Variants in ZFYVE28 observed in about 807,000 individuals in gnomAD.
ZFYVE28 encodes the protein lateral signaling target protein 2 homolog.
In ZFYVE28, 40 loss-of-function variants were observed where a neutral mutation model predicts 82.1. The observed-to-expected ratio is 0.49, with a 90% confidence interval of 0.38 to 0.63. The LOEUF (loss-of-function observed/expected upper bound fraction) is 0.63. ZFYVE28 is among the 30% of genes least tolerant of loss of function. The pLI is 0.00. For missense variants in ZFYVE28, 1,321 were observed against 1,242.1 expected (o/e 1.06, Z -0.96); for synonymous variants, 612 against 546.1 (o/e 1.12, Z -1.68).
rs1010724739 is a variant in ZFYVE28, at chr4:2,300,763, C to T, written c.2051+3526G>A. On this transcript the variant is annotated intron_variant, in intron 8 of 12. Transcript: ENST00000290974. The surrounding 1 kb of genome is among the most constrained non-coding windows in gnomAD (Gnocchi z 4.6). ...TTCCTTCATTTGCAGTACACGGAGA[C>T]GCGACTCGCACGTGAGACTGGAAGC... 1.1e-4 allele frequency among the ~76,000 whole-genome samples: 16 copies of T among 152,254 alleles called. No homozygotes were observed. The highest frequency in any genetic ancestry group is 8.5e-4 in the Admixed American group (13 of 15,294).
intron 8 of ZFYVE28, among the ~76,000 whole-genome samples, chr4:2,291,504 G>A (rs890525317): frequency 2.0e-5 from 3 of 152,224 alleles, no homozygotes; most frequent in Non-Finnish European, 4.4e-5. Flanking sequence ...TCCACCCCTT[G>A]ACGGGCTCCC....
In ZFYVE28 at chr4:2,341,535, C is replaced by A; in HGVS notation, c.261G>T (p.Lys87Asn). 5 of 1,614,068 alleles carry A rather than the reference C, an allele frequency of 3.1e-6. No homozygotes were observed. The highest frequency in any genetic ancestry group is 4.2e-6 in the Non-Finnish European group (5 of 1,180,018). The change falls in exon 3 of 13, where the codon AAG becomes AAT. Residue 87 changes from lysine (K) to asparagine (N), a missense_variant. Lys to Asn is a moderately conservative substitution (Grantham distance 94). This residue lies in a region of ZFYVE28 where 343 missense variants were observed against 408.4 expected (regional missense o/e 0.84). Transcript: ENST00000290974. The surrounding 1 kb of genome is among the most constrained non-coding windows in gnomAD (Gnocchi z 4.5). The part of the protein sequence containing the change: ...QDRAPRDFCV[K>N]FPEEIRHDNL... The stretch of plus-strand genomic sequence containing the variant: ...TGTCGTGCCGGATCTCCTCAGGGAA[C>A]TTGACGCAGAAATCTCTGGGGGCGC...
chr4:2,290,779 C>T (rs570895498), intron 8 of ZFYVE28, among the ~76,000 whole-genome samples: 78 of 152,240 alleles, frequency 5.1e-4, no homozygotes, highest in Non-Finnish European at 6.6e-4. Flanking sequence ...CCTATTAAGT[C>T]CAAGCACAAG....
chr4:2,361,977 C>T (rs1255170352), intron 1 of ZFYVE28, among the ~76,000 whole-genome samples: 1 of 152,056 alleles, frequency 6.6e-6, no homozygotes, highest in Non-Finnish European at 1.5e-5. Flanking sequence ...GCCCCATGGG[C>T]CCCAACAAGG....
At chr4:2,303,902 C>T (rs906335116) in intron 8 of ZFYVE28, among the ~76,000 whole-genome samples, 6 of 152,222 alleles carry the variant, frequency 3.9e-5, no homozygotes, top group Non-Finnish European at 8.8e-5. Flanking sequence ...GGCAAGGGGC[C>T]CGGCGCTGGC....
At chr4:2,315,379 A>C (rs1360728649) in intron 7 of ZFYVE28, among the ~76,000 whole-genome samples, 3 of 152,070 alleles carry the variant, frequency 2.0e-5, no homozygotes, top group African/African-American at 7.2e-5. Context: ...TCCGCCTCCC[A>C]GGTTCAAGTG....
chr4:2,361,876 G>C (rs999606700), intron 1 of ZFYVE28, among the ~76,000 whole-genome samples: 4 of 152,156 alleles, frequency 2.6e-5, no homozygotes, highest in African/African-American at 9.7e-5. Flanking sequence ...TCACAGTCTT[G>C]GCCGAGCTGC....
chr4:2,303,121 C>G (rs1480504147), intron 8 of ZFYVE28, among the ~76,000 whole-genome samples: 1 of 152,192 alleles, frequency 6.6e-6, no homozygotes, highest in South Asian at 2.1e-4. Context: ...CCAGGCCCAG[C>G]CCACCCAGCC....
intron 8 of ZFYVE28, among the ~76,000 whole-genome samples, chr4:2,283,399 G>C (rs931620802): frequency 2.6e-3 from 109 of 41,416 alleles, no homozygotes; most frequent in Admixed American, 3.3e-3. Flanking sequence ...ATCCACTCAT[G>C]CACCCACCCA....
intron 8 of ZFYVE28, among the ~76,000 whole-genome samples, chr4:2,303,127 C>G (rs1201968396): frequency 6.6e-6 from 1 of 152,188 alleles, no homozygotes; most frequent in African/African-American, 2.4e-5. Flanking sequence ...CCAGCCCACC[C>G]AGCCCGCAGC....
chr4:2,354,094 G>A, intron 1 of ZFYVE28, 21 bp from the exon 2 acceptor site: 1 of 1,495,534 alleles, frequency 6.7e-7, no homozygotes, highest in Non-Finnish European at 8.9e-7. Context: ...GAGGGGCCAG[G>A]GCCATGAGTG....
At chr4:2,392,273 G>A (rs1193753291) in intron 1 of ZFYVE28, among the ~76,000 whole-genome samples, 4 of 152,128 alleles carry the variant, frequency 2.6e-5, no homozygotes, top group Non-Finnish European at 4.4e-5. Flanking sequence ...TCCACAGCCA[G>A]CCTGGCTGGA....
chr4:2,337,619 C>G, intron 4 of ZFYVE28, 123 bp from the exon 5 acceptor site: 1 of 697,210 alleles, frequency 1.4e-6, no homozygotes, highest in Admixed American at 2.8e-5. Context: ...GGGGGCCTCA[C>G]GCCTGTAATC....
In ZFYVE28 at chr4:2,270,536, C is replaced by T. The variant is rs140355099; in HGVS notation, c.*189G>A. Reference sequence around the variant, plus strand: ...AAAGCTGACCTCTTGTTGGCCCCTGCAGCCGGCCCGGGGTCCCTGCAGGGA... The same window carrying T: ...AAAGCTGACCTCTTGTTGGCCCCTGTAGCCGGCCCGGGGTCCCTGCAGGGA... On this transcript the variant is annotated 3_prime_UTR_variant, in exon 13 of 13. Coordinates refer to ENST00000290974, the MANE Select transcript of ZFYVE28 (RefSeq NM_020972.3). 889 of 828,366 alleles carry T rather than the reference C, an allele frequency of 1.1e-3. 8 individuals are homozygous for T. The African/African-American group carries it at 0.013, about 12-fold the overall frequency. 51.3% of individuals were successfully genotyped at this position (828,366 alleles called of 1,614,324 possible).
At chr4:2,312,624 A>G (rs1717627948) in intron 7 of ZFYVE28, among the ~76,000 whole-genome samples, 1 of 148,758 alleles carries the variant, frequency 6.7e-6, no homozygotes, top group Non-Finnish European at 1.5e-5. Context: ...GCTACTCGGG[A>G]GGCTGAGGCA....
chr4:2,335,586 G>C lies in ZFYVE28; in HGVS notation c.701+119C>G, dbSNP rs1299453636. On this transcript the variant is annotated intron_variant, in intron 6 of 12. Coordinates refer to ENST00000290974, the MANE Select transcript of ZFYVE28 (RefSeq NM_020972.3). This position sits in a 1 kb window ranked among gnomAD's most constrained non-coding sequence, Gnocchi z 5.8. ...GGCCTGCCTGTCACTGATCGGGACA[G>C]CTGAGCGGCCACCGTGAGGTGGAGA... The C allele has an allele frequency of 3.3e-6, 3 of 921,108 alleles. No homozygotes were observed. The East Asian group carries it at 7.9e-5, about 24-fold the overall frequency. 57.1% of individuals were successfully genotyped at this position (921,108 alleles called of 1,614,324 possible).
intron 8 of ZFYVE28, among the ~76,000 whole-genome samples, chr4:2,294,239 T>C (rs758427623): frequency 5.9e-5 from 9 of 152,212 alleles, no homozygotes; most frequent in Non-Finnish European, 1.2e-4. Context: ...GTGGCATTGG[T>C]GTCAATACAG....
chr4:2,326,538 C>G (rs1337669529), intron 6 of ZFYVE28, among the ~76,000 whole-genome samples: 1 of 151,798 alleles, frequency 6.6e-6, no homozygotes, highest in Admixed American at 6.6e-5. Context: ...TTTTATGGTT[C>G]TATATGAATT....
chr4:2,403,019 G>A (rs553476267), intron 1 of ZFYVE28, among the ~76,000 whole-genome samples: 4 of 152,358 alleles, frequency 2.6e-5, no homozygotes, highest in Middle Eastern at 3.4e-3. Context: ...GCCATTATCC[G>A]TGTTTGAGGA....
Sources: gnomAD v4.1 joint callset for allele counts (sites outside exome capture counted in the v4.1 genomes callset) on GRCh38, gnomAD v4.1.1 for gene constraint, gnomAD v4.1.1 regional missense constraint, Gnocchi (gnomAD v3.1) non-coding constraint, MANE v1.5 for transcripts, NCBI Gene and HGNC (gene_info 2026-07-23, HGNC 2026-07-21) for gene names.